LNPK: variants seen among roughly 807,000 people sequenced by gnomAD.
LNPK encodes endoplasmic reticulum junction formation protein lunapark.
A neutral mutation model predicts 55.2 loss-of-function variants in LNPK; 29 were observed. The ratio of observed to expected loss-of-function variants is 0.53; its 90% CI spans 0.39 to 0.72. LNPK has a LOEUF of 0.72. Among genes scored for constraint, LNPK ranks in the 30% least tolerant of loss-of-function variants. The pLI, the probability that LNPK is intolerant of heterozygous loss-of-function variation, is 0.00. For synonymous variants in LNPK, 162 were observed against 168.2 expected, an observed-to-expected ratio of 0.96 and a Z score of 0.29; for missense variants, 467 against 494.8, an observed-to-expected ratio of 0.94 and a Z score of 0.53.
chr2:175,966,464 C>T lies in LNPK; in HGVS notation c.358-1875G>A, dbSNP rs1686358288. ...TACTACTAGGTTTAAAAAGATTAAA[C>T]TGTGATCTTTAAAACAACACACAAA... On this transcript the variant is annotated intron_variant, in intron 6 of 12. Coordinates refer to ENST00000272748, the MANE Select transcript of LNPK (RefSeq NM_030650.3). 1.3e-5 allele frequency among the ~76,000 whole-genome samples: 2 copies of T among 152,208 alleles called. 1 individual carries two copies. The highest frequency in any genetic ancestry group is 4.1e-4 in the South Asian group (2 of 4,830).
chr2:175,962,726 C>T (rs185129786), intron 8 of LNPK, among the ~76,000 whole-genome samples: 6 of 152,294 alleles, frequency 3.9e-5, no homozygotes, highest in African/African-American at 1.4e-4. Context: ...AACTAAAGAG[C>T]TTCTGCACAG....
chr2:175,990,670 T>C (rs928432783), intron 4 of LNPK, among the ~76,000 whole-genome samples: 1 of 152,190 alleles, frequency 6.6e-6, no homozygotes, highest in Admixed American at 6.5e-5. Flanking sequence ...CACTTTCACA[T>C]TGTTTTATTT....
chr2:175,979,096 T>C (rs1687048403), intron 5 of LNPK, among the ~76,000 whole-genome samples: 1 of 152,096 alleles, frequency 6.6e-6, no homozygotes, highest in African/African-American at 2.4e-5. Flanking sequence ...TTTTATGATA[T>C]TAAGAATTCT....
In LNPK at chr2:175,926,215, G is replaced by T. The variant is rs1684001311; in HGVS notation, c.*3752C>A. On this transcript the variant is annotated 3_prime_UTR_variant, in exon 13 of 13. Coordinates refer to ENST00000272748, the MANE Select transcript of LNPK (RefSeq NM_030650.3). ...GCAAAGTTGCTTCCTGCTATGGTTT[G>T]AATGCTACAAAAAGCATGTGTTGAA... 6.6e-6 allele frequency: 1 copy of T among 152,186 alleles called. No individual in the cohort carries two copies. The allele number at this position is 152,186 out of a possible 1,614,324, so 9.4% of individuals were successfully genotyped here. A position where few individuals can be genotyped will look rare whatever the true frequency, so the allele number is the denominator to read the frequency against.
chr2:175,945,816 C>CATTTATATGCAT (rs1685097988), intron 9 of LNPK, among the ~76,000 whole-genome samples: 1 of 152,102 alleles, frequency 6.6e-6, no homozygotes, highest in African/African-American at 2.4e-5. Flanking sequence ...TATATGCATG[C>CATTTATATGCAT]TGTTATAGAC....
chr2:175,986,700 T>C (rs938581220), intron 4 of LNPK, among the ~76,000 whole-genome samples: 131 of 152,162 alleles, frequency 8.6e-4, no homozygotes, highest in Non-Finnish European at 1.4e-3. Context: ...GGTATCTCCA[T>C]AGATAATGAA....
chr2:175,947,735 C>T, intron 8 of LNPK, 43 bp from the exon 9 acceptor site: 3 of 1,327,204 alleles, frequency 2.3e-6, no homozygotes, highest in African/African-American at 1.5e-5. Context: ...TCCAATATAC[C>T]ATATTAGCCA....
At chr2:175,934,733 G>T (rs1684455400) in intron 12 of LNPK, among the ~76,000 whole-genome samples, 1 of 151,196 alleles carries the variant, frequency 6.6e-6, no homozygotes, top group Non-Finnish European at 1.5e-5. Flanking sequence ...AACCATAAAA[G>T]AAACTGAGGA....
At chr2:175,965,225 C>T (rs1686267004) in intron 6 of LNPK, among the ~76,000 whole-genome samples, 1 of 152,168 alleles carries the variant, frequency 6.6e-6, no homozygotes, top group Non-Finnish European at 1.5e-5. Flanking sequence ...AAAAATTTTA[C>T]TGAGTTCTAT....
At chr2:176,001,958 G>A (rs1247640861) in intron 1 of LNPK, among the ~76,000 whole-genome samples, 1 of 152,226 alleles carries the variant, frequency 6.6e-6, no homozygotes, top group Non-Finnish European at 1.5e-5. Context: ...GAAATCCAGG[G>A]AACAAGGCGG....
intron 9 of LNPK, 61 bp from the exon 10 acceptor site, chr2:175,939,718 C>T (rs1433617382): frequency 2.4e-6 from 2 of 819,220 alleles, no homozygotes; most frequent in Admixed American, 5.3e-5. Flanking sequence ...AAATTTAATT[C>T]CATTACCAAG....
intron 12 of LNPK, among the ~76,000 whole-genome samples, chr2:175,931,747 A>G (rs2105511731): frequency 6.6e-6 from 1 of 152,312 alleles, no homozygotes; most frequent in Middle Eastern, 3.4e-3. Flanking sequence ...GAAAACAGTA[A>G]GTCACTTGAA....
chr2:175,974,330 C>CAA (rs1396271508), intron 5 of LNPK, among the ~76,000 whole-genome samples: 2 of 152,030 alleles, frequency 1.3e-5, no homozygotes, highest in African/African-American at 4.8e-5. Flanking sequence ...TGTCACAGTA[C>CAA]AAAAATACAC....
chr2:175,995,866 T>C (rs374842266), intron 1 of LNPK, among the ~76,000 whole-genome samples: 26 of 124,286 alleles, frequency 2.1e-4, no homozygotes, highest in African/African-American at 7.6e-4. Flanking sequence ...CAGGCTGGAG[T>C]GCAGTGGCGA....
intron 1 of LNPK, among the ~76,000 whole-genome samples, chr2:175,998,520 T>A (rs181433447): frequency 6.6e-6 from 1 of 152,076 alleles, no homozygotes; most frequent in East Asian, 1.9e-4. Context: ...TTAGTTTTGA[T>A]TTTTTAAGCA....
At chr2:175,956,912 T>C (rs1685722295) in intron 8 of LNPK, among the ~76,000 whole-genome samples, 1 of 152,164 alleles carries the variant, frequency 6.6e-6, no homozygotes, top group Admixed American at 6.5e-5. Context: ...CACGGGTGAC[T>C]GTAACTGGAA....
chr2:175,929,855 T>G lies in LNPK; in HGVS notation c.*112A>C. On this transcript the variant is annotated 3_prime_UTR_variant, in exon 13 of 13. Transcript: ENST00000272748. ...AATAGCTAGGCAATCTGAATTCAAA[T>G]GATACACAAGCATACCCTTAGAGGG... The G allele has an allele frequency of 6.7e-7, 1 of 1,488,674 alleles. No individual in the cohort carries two copies. The highest frequency in any genetic ancestry group is 8.9e-7 in the Non-Finnish European group (1 of 1,120,564). The allele number at this position is 1,488,674 out of a possible 1,614,324, so 92.2% of individuals were successfully genotyped here.
intron 4 of LNPK, among the ~76,000 whole-genome samples, chr2:175,988,813 G>A (rs754700965): frequency 2.0e-5 from 3 of 151,994 alleles, no homozygotes; most frequent in Admixed American, 1.3e-4. Context: ...TGAGTCTGTC[G>A]CCCAGGCTGG....
chr2:175,942,851 T>A (rs1684924016), intron 9 of LNPK, among the ~76,000 whole-genome samples: 2 of 141,654 alleles, frequency 1.4e-5, no homozygotes, highest in African/African-American at 2.6e-5. Context: ...CAACAGAAAA[T>A]ACAAAAATAA....
Sources: allele counts gnomAD v4.1 joint callset (sites outside exome capture counted in the v4.1 genomes callset), GRCh38; gene constraint gnomAD v4.1.1; transcripts MANE v1.5; gene names NCBI Gene and HGNC (gene_info 2026-07-23, HGNC 2026-07-21).